Variants in AUTS2 observed in about 807,000 individuals in gnomAD.
The protein encoded by AUTS2 is autism susceptibility gene 2 protein.
A neutral mutation model predicts 112.4 loss-of-function variants in AUTS2; 17 were observed. The ratio of observed to expected loss-of-function variants is 0.15; its 90% confidence interval spans 0.10 to 0.23. The LOEUF is 0.23. Among genes scored for constraint, AUTS2 ranks in the 10% least tolerant of loss-of-function variants. The pLI is 1.00. For synonymous variants in AUTS2, 751 were observed against 702.7 expected, an observed-to-expected ratio of 1.07 and a Z score of -1.09; for missense variants, 1,510 against 1,701.6, an observed-to-expected ratio of 0.89 and a Z score of 1.98.
At chr7:70,565,116 T>G (rs75388673) in intron 5 of AUTS2, among the ~76,000 whole-genome samples, 16,540 of 152,036 alleles carry the variant, frequency 0.11, 1,777 homozygotes, top group East Asian at 0.56. Flanking sequence ...AATAAATAAA[T>G]AAAAATTAGA....
intron 5 of AUTS2, among the ~76,000 whole-genome samples, chr7:70,468,607 G>C (rs562512666): frequency 3.3e-5 from 5 of 152,254 alleles, no homozygotes; most frequent in Admixed American, 3.3e-4. Flanking sequence ...GAGACTAGAG[G>C]GGGGCAAATA....
At chr7:70,487,661 A>AT (rs1798065542) in intron 5 of AUTS2, among the ~76,000 whole-genome samples, 3 of 152,200 alleles carry the variant, frequency 2.0e-5, no homozygotes, top group Non-Finnish European at 4.4e-5. Context: ...ATAAATGAAT[A>AT]GGAATGTGTG....
intron 1 of AUTS2, among the ~76,000 whole-genome samples, chr7:69,610,993 G>A (rs996797043): frequency 2.2e-4 from 33 of 152,304 alleles, no homozygotes; most frequent in Middle Eastern, 6.8e-3. Flanking sequence ...CCTATGAACT[G>A]ATGAAATATC....
At chr7:70,230,677 C>G (rs1352219034) in intron 4 of AUTS2, among the ~76,000 whole-genome samples, 2 of 152,222 alleles carry the variant, frequency 1.3e-5, no homozygotes, top group African/African-American at 4.8e-5. Flanking sequence ...ATATGCACAG[C>G]TTTCCAGGCC....
intron 6 of AUTS2, among the ~76,000 whole-genome samples, chr7:70,761,380 C>G (rs184906835): frequency 1.3e-5 from 2 of 152,330 alleles, no homozygotes; most frequent in Admixed American, 1.3e-4. Flanking sequence ...ATACTTTTCC[C>G]GTTTGATACA....
intron 5 of AUTS2, among the ~76,000 whole-genome samples, chr7:70,533,050 G>T (rs1222999087): frequency 6.6e-6 from 1 of 152,204 alleles, no homozygotes; most frequent in African/African-American, 2.4e-5. Flanking sequence ...TCTCACTCAG[G>T]AGATGCCTCA....
intron 1 of AUTS2, among the ~76,000 whole-genome samples, chr7:69,749,238 A>AC (rs760831256): frequency 1.6e-4 from 24 of 152,262 alleles, no homozygotes; most frequent in Non-Finnish European, 2.9e-4. Context: ...ACCGCCCCCC[A>AC]CAACATCTTT....
chr7:70,441,106 C>T lies in AUTS2; in HGVS notation c.690+5325C>T, dbSNP rs554209378. Among the ~76,000 whole-genome samples, 17 of 152,196 alleles carry T rather than the reference C, an allele frequency of 1.1e-4. No homozygotes were observed. The East Asian group carries it at 2.9e-3, about 26-fold the overall frequency. On this transcript the variant is annotated intron_variant, in intron 5 of 18. Coordinates refer to ENST00000342771, the MANE Select transcript of AUTS2 (RefSeq NM_015570.4). ...CACCCATGCTTATGTCTGTAGATAC[C>T]GGGCATAAGTATACATGCAGTACAC...
chr7:70,162,576 A>G (rs1432884775), intron 4 of AUTS2, among the ~76,000 whole-genome samples: 1 of 149,712 alleles, frequency 6.7e-6, no homozygotes, highest in Non-Finnish European at 1.5e-5. Flanking sequence ...AATGTCTTTG[A>G]GAGTCTTCTT....
At chr7:70,604,771 G>T (rs1462103430) in intron 5 of AUTS2, among the ~76,000 whole-genome samples, 1 of 152,228 alleles carries the variant, frequency 6.6e-6, no homozygotes, top group Non-Finnish European at 1.5e-5. Context: ...GGAGGCCACA[G>T]CTCTGCCTTC....
intron 4 of AUTS2, among the ~76,000 whole-genome samples, chr7:70,263,962 C>CG (rs1032019092): frequency 1.3e-5 from 2 of 152,042 alleles, no homozygotes; most frequent in African/African-American, 4.8e-5. Flanking sequence ...TGGAAGTTAC[C>CG]GGGGGGTCAT....
chr7:70,678,198 G>C (rs570831639), intron 5 of AUTS2, among the ~76,000 whole-genome samples: 7 of 152,200 alleles, frequency 4.6e-5, no homozygotes, highest in Non-Finnish European at 1.0e-4. Context: ...AACATGTTTT[G>C]TTCTTCTTTT....
intron 6 of AUTS2, among the ~76,000 whole-genome samples, chr7:70,712,859 ACTGCAGC>A (rs1810136425): frequency 6.6e-6 from 1 of 152,258 alleles, no homozygotes; most frequent in East Asian, 1.9e-4. Context: ...ATCTCAGCTC[ACTGCAGC>A]CTCCATATCC....
At chr7:70,185,284 T>TTTTA (rs1269182106) in intron 4 of AUTS2, among the ~76,000 whole-genome samples, 1 of 139,854 alleles carries the variant, frequency 7.2e-6, no homozygotes, top group East Asian at 2.1e-4. Context: ...TTTTTTTTTT[T>TTTTA]AAGAAACGAG....
chr7:69,907,056 A>G (rs1190682525), intron 2 of AUTS2, among the ~76,000 whole-genome samples: 7 of 152,170 alleles, frequency 4.6e-5, no homozygotes, highest in Non-Finnish European at 8.8e-5. Context: ...GCAGTGAGCC[A>G]TGTTCACGCA....
At chr7:70,240,274 T>C (rs887781556) in intron 4 of AUTS2, among the ~76,000 whole-genome samples, 2 of 152,236 alleles carry the variant, frequency 1.3e-5, no homozygotes, top group African/African-American at 2.4e-5. Flanking sequence ...TTGACTTTGA[T>C]GTCAGACACA....
intron 5 of AUTS2, among the ~76,000 whole-genome samples, chr7:70,642,859 C>G (rs1805918552): frequency 6.6e-6 from 1 of 152,192 alleles, no homozygotes; most frequent in Admixed American, 6.5e-5. Flanking sequence ...CTTGTCATTC[C>G]TTCACAGCAA....
chr7:70,778,867 C>T (rs567276184), intron 14 of AUTS2, among the ~76,000 whole-genome samples: 1 of 152,326 alleles, frequency 6.6e-6, no homozygotes, highest in East Asian at 1.9e-4. Context: ...AGGTAAAGCA[C>T]ATCTTCCTTG....
intron 5 of AUTS2, among the ~76,000 whole-genome samples, chr7:70,621,819 G>C (rs187621731): frequency 1.5e-5 from 2 of 135,234 alleles, no homozygotes; most frequent in Non-Finnish European, 3.1e-5. Context: ...GCAGGCTTAC[G>C]TTAGTGCATA....
Sources: allele counts gnomAD v4.1 joint callset (sites outside exome capture counted in the v4.1 genomes callset), GRCh38; gene constraint gnomAD v4.1.1; transcripts MANE v1.5; gene names NCBI Gene and HGNC (gene_info 2026-07-23, HGNC 2026-07-21).